Variants in SLC35E3 observed in about 807,000 individuals in gnomAD.
The protein encoded by SLC35E3 is solute carrier family 35 member E3.
A neutral mutation model predicts 30.8 loss-of-function variants in SLC35E3; 28 were observed. The observed-to-expected ratio is 0.91, with a 90% CI of 0.67 to 1.25. SLC35E3 has a LOEUF of 1.25. Among genes scored for constraint, SLC35E3 ranks in the 50% most tolerant of loss-of-function variants. The pLI is 0.00. For missense variants in SLC35E3, 365 were observed against 375.4 expected (o/e 0.97, Z 0.23); for synonymous variants, 146 against 149.2 (o/e 0.98, Z 0.16).
intron 4 of SLC35E3, among the ~76,000 whole-genome samples, chr12:68,760,562 T>C (rs1879205648): frequency 6.6e-6 from 1 of 152,182 alleles, no homozygotes; most frequent in East Asian, 1.9e-4. Context: ...AGCTGACAAA[T>C]GGGATGTCCA....
At chr12:68,755,068 A>G (rs548823782) in intron 3 of SLC35E3, among the ~76,000 whole-genome samples, 144 of 152,278 alleles carry the variant, frequency 9.5e-4, no homozygotes, top group African/African-American at 1.9e-3. Flanking sequence ...TGCTTTATAG[A>G]TGGCAGTCTT....
rs1472385653 is a variant in SLC35E3 at position 68,776,985 on chromosome 12, C to T, written c.*12095C>T. The T allele has an allele frequency of 6.6e-6, 1 of 152,162 alleles. No individual in the cohort carries two copies. Among genetic ancestry groups the T allele is most frequent in the Non-Finnish European group, 1.5e-5 (1 of 68,052 alleles). 9.4% of individuals were successfully genotyped at this position (152,162 alleles called of 1,614,324 possible). ...TCGCCCCAGCCCCATCCCTAGTCAC[C>T]CCTCATTCCTAGTAGTACCCCCAGT... On this transcript the variant is annotated 3_prime_UTR_variant, in exon 5 of 5. Coordinates refer to ENST00000398004, the MANE Select transcript of SLC35E3 (RefSeq NM_018656.5).
intron 3 of SLC35E3, among the ~76,000 whole-genome samples, chr12:68,756,208 T>C (rs906658082): frequency 6.6e-6 from 1 of 151,654 alleles, no homozygotes; most frequent in Non-Finnish European, 1.5e-5. Context: ...TTTCAAACCA[T>C]TGCAGCCTAG....
rs1347597648 is a variant in SLC35E3 at position 68,768,255 on chromosome 12, C to T, written c.*3365C>T. 6.6e-6 allele frequency: 1 copy of T among 151,410 alleles called. No individual in the cohort carries two copies. The highest frequency in any genetic ancestry group is 1.5e-5 in the Non-Finnish European group (1 of 67,964). 9.4% of individuals were successfully genotyped at this position (151,410 alleles called of 1,614,324 possible). ...AGTGAGCCGAGACTGCGCCATTGCA[C>T]ACCAGCCTGGGTGACGAGAGTGAAA... On this transcript the variant is annotated 3_prime_UTR_variant, in exon 5 of 5. Coordinates refer to ENST00000398004, the MANE Select transcript of SLC35E3 (RefSeq NM_018656.5).
chr12:68,751,265 C>T lies in SLC35E3; in HGVS notation c.514-767C>T, dbSNP rs148338655. ...CAACCATCTCTAACCTGCCCCCATG[C>T]CCCATTGTCATCGTGTCCCCCCAAC... On this transcript the variant is annotated intron_variant, in intron 2 of 4. Transcript: ENST00000398004. 2.4e-3 allele frequency among the ~76,000 whole-genome samples: 366 copies of T among 151,700 alleles called. 1 individual carries two copies. The highest frequency in any genetic ancestry group is 8.6e-3 in the African/African-American group (355 of 41,358).
chr12:68,777,586 A>T lies in SLC35E3; in HGVS notation c.*12696A>T, dbSNP rs1301491576. The T allele has an allele frequency of 6.6e-6, 1 of 152,078 alleles. No individual in the cohort carries two copies. Among genetic ancestry groups the T allele is most frequent in the African/African-American group, 2.4e-5 (1 of 41,382 alleles). The allele number at this position is 152,078 out of a possible 1,614,324, so 9.4% of individuals were successfully genotyped here. ...TATCTCCCAACACAACTTTGGCCTC[A>T]CCCTCTTCCCCAGCGTGAAGACGCA... On this transcript the variant is annotated 3_prime_UTR_variant, in exon 5 of 5. Coordinates refer to ENST00000398004, the MANE Select transcript of SLC35E3 (RefSeq NM_018656.5).
In SLC35E3 at chr12:68,772,044, T is replaced by G. The variant is rs1045771171; in HGVS notation, c.*7154T>G. 3 of 152,178 alleles carry G rather than the reference T, an allele frequency of 2.0e-5. No homozygotes were observed. Among genetic ancestry groups the G allele is most frequent in the Non-Finnish European group, 1.5e-5 (1 of 68,046 alleles). The allele number at this position is 152,178 out of a possible 1,614,324, so 9.4% of individuals were successfully genotyped here. The stretch of plus-strand genomic sequence containing the variant: ...ACCTTTTTTTTAATTTTAATTTTTA[T>G]TTTTTATTTTTTGAGACAGAGTTTC... On this transcript the variant is annotated 3_prime_UTR_variant, in exon 5 of 5. Coordinates refer to ENST00000398004, the MANE Select transcript of SLC35E3 (RefSeq NM_018656.5).
rs1354185767 is a variant in SLC35E3, at chr12:68,773,952, CAT to C, written c.*9065_*9066del. ...CCTCGTTGCCTTGTAGAGGGATGATCATATGACATTTCACCAATGGCACATAA... is the reference window on the plus strand; with the variant it reads ...CCTCGTTGCCTTGTAGAGGGATGATCATGACATTTCACCAATGGCACATAA... On this transcript the variant is annotated 3_prime_UTR_variant, in exon 5 of 5. Coordinates refer to ENST00000398004, the MANE Select transcript of SLC35E3 (RefSeq NM_018656.5). The C allele has an allele frequency of 6.6e-6, 1 of 152,178 alleles. No individual in the cohort carries two copies. Among genetic ancestry groups the C allele is most frequent in the African/African-American group, 2.4e-5 (1 of 41,436 alleles). 9.4% of individuals were successfully genotyped at this position (152,178 alleles called of 1,614,324 possible). A position where few individuals can be genotyped will look rare whatever the true frequency, so the allele number is the denominator to read the frequency against.
chr12:68,764,575 A>T, intron 4 of SLC35E3, 129 bp from the exon 5 acceptor site: 1 of 730,780 alleles, frequency 1.4e-6, no homozygotes, highest in Non-Finnish European at 2.1e-6. Flanking sequence ...GGCATGATCC[A>T]CCACGCCTGG....
intron 1 of SLC35E3, 110 bp downstream of exon 1, chr12:68,746,889 T>C: frequency 1.7e-6 from 2 of 1,201,298 alleles, no homozygotes; most frequent in Admixed American, 2.5e-5. Context: ...AATCCACAAA[T>C]GAGTCATCTG....
At position 68,747,990 on chromosome 12, in the gene SLC35E3, G is replaced by A; in HGVS notation, c.463G>A (p.Gly155Arg). 2 of 1,612,088 alleles carry A rather than the reference G, an allele frequency of 1.2e-6. No individual in the cohort carries two copies. The highest frequency in any genetic ancestry group is 1.7e-6 in the Non-Finnish European group (2 of 1,178,586). Residue 155 changes from glycine (G) to arginine (R), a missense_variant, in exon 2 of 5, where the codon GGA (glycine) becomes AGA (arginine). Transcript: ENST00000398004. Reference sequence around the variant, plus strand: ...TTACGATGTGAAGTTTAATTTCCTTGGAATGGTGTTTGCTGCTCTTGGTGT... The same window carrying A: ...TTACGATGTGAAGTTTAATTTCCTTAGAATGGTGTTTGCTGCTCTTGGTGT... ...SYYDVKFNFLGMVFAALGVLV... is the reference protein window; with the variant it reads ...SYYDVKFNFLRMVFAALGVLV...
intron 4 of SLC35E3, among the ~76,000 whole-genome samples, chr12:68,761,315 A>G (rs1389477190): frequency 6.6e-6 from 1 of 152,234 alleles, no homozygotes; most frequent in Non-Finnish European, 1.5e-5. Context: ...TGGAAGGCCA[A>G]GACAGGAGGA....
At chr12:68,755,050 T>C (rs1251862317) in intron 3 of SLC35E3, among the ~76,000 whole-genome samples, 2 of 152,198 alleles carry the variant, frequency 1.3e-5, no homozygotes, top group Non-Finnish European at 2.9e-5. Flanking sequence ...TGGTGAAGGC[T>C]CTTTTCCTGC....
intron 4 of SLC35E3, 139 bp from the exon 5 acceptor site, chr12:68,764,565 G>C: frequency 1.6e-6 from 1 of 632,720 alleles, no homozygotes; most frequent in East Asian, 3.2e-5. Flanking sequence ...TGGGATTACA[G>C]GCATGATCCA....
In SLC35E3 at chr12:68,766,915, TA is replaced by T. The variant is rs531868598; in HGVS notation, c.*2026del. On this transcript the variant is annotated 3_prime_UTR_variant, in exon 5 of 5. Coordinates refer to ENST00000398004, the MANE Select transcript of SLC35E3 (RefSeq NM_018656.5). ...TTTCTTAATCCTACCTCCCTGCTTC[TA>T]TTGCCTAGCCCGTACATTTGAGGCT... The T allele has an allele frequency of 3.0e-4, 101 of 337,332 alleles. No homozygotes were observed. Among genetic ancestry groups the T allele is most frequent in the South Asian group, 2.2e-3 (100 of 45,390 alleles). 20.9% of individuals were successfully genotyped at this position (337,332 alleles called of 1,614,324 possible).
intron 3 of SLC35E3, 31 bp downstream of exon 3, chr12:68,752,221 AC>A (rs1878830348): frequency 1.3e-6 from 2 of 1,564,314 alleles, no homozygotes; most frequent in Non-Finnish European, 1.7e-6. Flanking sequence ...TATCTAAGAA[AC>A]AGTATAATAA....
rs1476470067 is a variant in SLC35E3, at chr12:68,773,986, G to C, written c.*9096G>C. On this transcript the variant is annotated 3_prime_UTR_variant, in exon 5 of 5. Coordinates refer to ENST00000398004, the MANE Select transcript of SLC35E3 (RefSeq NM_018656.5). ...TTTCACCAATGGCACATAATTCAAA[G>C]TCTGCTGAGGATTTCTAGGGTATCC... 2 of 152,152 alleles carry C rather than the reference G, an allele frequency of 1.3e-5. No homozygotes were observed. Among genetic ancestry groups the C allele is most frequent in the Non-Finnish European group, 2.9e-5 (2 of 68,028 alleles). 9.4% of individuals were successfully genotyped at this position (152,152 alleles called of 1,614,324 possible). A position where few individuals can be genotyped will look rare whatever the true frequency, so the allele number is the denominator to read the frequency against.
chr12:68,757,629 CATA>C (rs1333007006), intron 3 of SLC35E3, among the ~76,000 whole-genome samples: 1 of 152,138 alleles, frequency 6.6e-6, no homozygotes, highest in Non-Finnish European at 1.5e-5. Context: ...ATTATTGGTG[CATA>C]ATAAGTGTTA....
chr12:68,777,362 C>T lies in SLC35E3; in HGVS notation c.*12472C>T, dbSNP rs1879772503. On this transcript the variant is annotated 3_prime_UTR_variant, in exon 5 of 5. Transcript: ENST00000398004. ...CATGAGGACATCCACTGCTTGTACT[C>T]AAATAGCATTCCTCACAGGAATGTC... 6.6e-6 allele frequency: 1 copy of T among 152,142 alleles called. No individual in the cohort carries two copies. Among genetic ancestry groups the T allele is most frequent in the South Asian group, 2.1e-4 (1 of 4,828 alleles). The allele number at this position is 152,142 out of a possible 1,614,324, so 9.4% of individuals were successfully genotyped here.
Sources: gnomAD v4.1 joint callset for allele counts (sites outside exome capture counted in the v4.1 genomes callset) on GRCh38, gnomAD v4.1.1 for gene constraint, MANE v1.5 for transcripts, NCBI Gene and HGNC (gene_info 2026-07-23, HGNC 2026-07-21) for gene names.